Variants in LIN7A observed in about 807,000 individuals in gnomAD.
LIN7A encodes lin-7 cell polarity scaffold A, also known as protein lin-7 homolog A.
In LIN7A, 25 loss-of-function variants were observed where a neutral mutation model predicts 29.8. The ratio of observed to expected loss-of-function variants is 0.84; its 90% CI spans 0.61 to 1.17. The LOEUF (loss-of-function observed/expected upper bound fraction) is 1.17, where lower values mean the gene tolerates loss of function less well. Among genes scored for constraint, LIN7A ranks in the 50% most tolerant of loss-of-function variants. The pLI, the probability that LIN7A is intolerant of heterozygous loss-of-function variation, is 0.00. For missense variants in LIN7A, 239 were observed against 287.0 expected (o/e 0.83, Z 1.21); for synonymous variants, 118 against 107.5 (o/e 1.10, Z -0.60).
intron 2 of LIN7A, among the ~76,000 whole-genome samples, chr12:80,854,243 C>T (rs1219814810): frequency 1.3e-5 from 2 of 151,966 alleles, no homozygotes; most frequent in Admixed American, 1.3e-4. Flanking sequence ...GAATAATTAA[C>T]TGGTGGTATA....
intron 1 of LIN7A, among the ~76,000 whole-genome samples, chr12:80,910,531 C>G (rs1370778195): frequency 6.6e-6 from 1 of 151,842 alleles, no homozygotes; most frequent in Admixed American, 6.6e-5. Flanking sequence ...TTGCAGAAAC[C>G]CTTTATTGAG....
intron 1 of LIN7A, among the ~76,000 whole-genome samples, chr12:80,891,617 G>A (rs958788633): frequency 3.9e-5 from 6 of 152,126 alleles, no homozygotes; most frequent in African/African-American, 1.4e-4. Context: ...GAACTCACAG[G>A]CTTGAGGGGC....
rs1408889153 is a variant in LIN7A at position 80,795,533 on chromosome 12, T to A, written c.*2194A>T. On this transcript the variant is annotated 3_prime_UTR_variant, in exon 6 of 6. Transcript: ENST00000552864. The stretch of plus-strand genomic sequence containing the variant: ...TTCTGTAACACTGTGACAATATTTG[T>A]ATTGATGTGAAACCATATGATAACT... 6.6e-6 allele frequency: 1 copy of A among 152,140 alleles called. No homozygotes were observed. The highest frequency in any genetic ancestry group is 2.4e-5 in the African/African-American group (1 of 41,450). 9.4% of individuals were successfully genotyped at this position (152,140 alleles called of 1,614,324 possible).
chr12:80,914,518 T>C (rs1358146467), intron 1 of LIN7A, among the ~76,000 whole-genome samples: 1 of 152,210 alleles, frequency 6.6e-6, no homozygotes, highest in Non-Finnish European at 1.5e-5. Context: ...ACTCAGAATT[T>C]TCAAACACTC....
At position 80,822,359 on chromosome 12, in the gene LIN7A, ACCAGACTGG is replaced by A. The variant is rs1871848021; in HGVS notation, c.484-10685_484-10677del. 2.0e-5 allele frequency among the ~76,000 whole-genome samples: 3 copies of A among 152,250 alleles called. No individual in the cohort carries two copies. In the South Asian group the frequency reaches 6.2e-4, roughly 32 times the overall value. ...GATCACCTGAGGTCAGGAGTTTGCG[ACCAGACTGG>A]CCAACATGGTGAAACCCCATTTCTA... On this transcript the variant is annotated intron_variant, in intron 4 of 5. Coordinates refer to ENST00000552864, the MANE Select transcript of LIN7A (RefSeq NM_004664.4).
intron 3 of LIN7A, chr12:80,847,972 T>C (rs1292807912): frequency 1.0e-5 from 5 of 497,766 alleles, no homozygotes; most frequent in African/African-American, 1.9e-5. Flanking sequence ...AATCATATAG[T>C]ATTTCACACA....
At chr12:80,848,912 AAAATT>A (rs1873200654) in intron 2 of LIN7A, among the ~76,000 whole-genome samples, 2 of 152,132 alleles carry the variant, frequency 1.3e-5, no homozygotes, top group South Asian at 4.1e-4. Flanking sequence ...GCTTAACTCA[AAAATT>A]AAATAAGTGA....
chr12:80,876,462 A>G (rs1874707725), intron 2 of LIN7A, among the ~76,000 whole-genome samples: 1 of 152,232 alleles, frequency 6.6e-6, no homozygotes, highest in Admixed American at 6.5e-5. Context: ...TATTCATGAA[A>G]GATACCTTGA....
intron 1 of LIN7A, among the ~76,000 whole-genome samples, chr12:80,894,503 T>A (rs571136185): frequency 6.6e-6 from 1 of 152,328 alleles, no homozygotes; most frequent in Admixed American, 6.5e-5. Flanking sequence ...CAATTTAAAA[T>A]TTATGCATTG....
chr12:80,927,501 G>A (rs1877668269), intron 1 of LIN7A, among the ~76,000 whole-genome samples: 1 of 152,074 alleles, frequency 6.6e-6, no homozygotes, highest in Admixed American at 6.5e-5. Context: ...GACACTGATG[G>A]TTCTCAACTA....
At chr12:80,892,559 C>T (rs573599191) in intron 1 of LIN7A, among the ~76,000 whole-genome samples, 2 of 152,100 alleles carry the variant, frequency 1.3e-5, no homozygotes, top group African/African-American at 4.8e-5. Flanking sequence ...AGTTCTCAAC[C>T]TGGGCTGTGC....
chr12:80,874,596 T>C (rs1874588965), intron 2 of LIN7A, among the ~76,000 whole-genome samples: 1 of 152,208 alleles, frequency 6.6e-6, no homozygotes, highest in Non-Finnish European at 1.5e-5. Context: ...AAAATCATTG[T>C]TGTTGGTACA....
chr12:80,802,562 C>G, intron 5 of LIN7A, among the ~76,000 whole-genome samples: 1 of 152,138 alleles, frequency 6.6e-6, no homozygotes, highest in South Asian at 2.1e-4. Flanking sequence ...TCCAAAATGG[C>G]TGTATTAATT....
chr12:80,805,712 T>C (rs751177495), intron 5 of LIN7A, among the ~76,000 whole-genome samples: 1 of 152,080 alleles, frequency 6.6e-6, no homozygotes, highest in Non-Finnish European at 1.5e-5. Context: ...GGTTTGACTG[T>C]GTCCCCACCC....
chr12:80,860,462 T>C (rs1381366817), intron 2 of LIN7A, among the ~76,000 whole-genome samples: 1 of 152,220 alleles, frequency 6.6e-6, no homozygotes, highest in Non-Finnish European at 1.5e-5. Flanking sequence ...AAAATAGTGC[T>C]TCAAGCAACA....
chr12:80,830,837 C>A (rs1176650765), intron 4 of LIN7A, among the ~76,000 whole-genome samples: 2 of 152,052 alleles, frequency 1.3e-5, no homozygotes, highest in African/African-American at 2.4e-5. Flanking sequence ...TCTGAATGTT[C>A]TTCCCTAGGT....
At chr12:80,829,783 A>T (rs1267299799) in intron 4 of LIN7A, among the ~76,000 whole-genome samples, 1 of 152,206 alleles carries the variant, frequency 6.6e-6, no homozygotes, top group Non-Finnish European at 1.5e-5. Context: ...TAACAAAGAA[A>T]CATCAATATT....
At chr12:80,869,452 C>T (rs1874315857) in intron 2 of LIN7A, among the ~76,000 whole-genome samples, 1 of 152,076 alleles carries the variant, frequency 6.6e-6, no homozygotes, top group Non-Finnish European at 1.5e-5. Flanking sequence ...GATTCATCTT[C>T]AGGCAGAAGG....
At chr12:80,812,528 AG>A (rs1490722754) in intron 4 of LIN7A, among the ~76,000 whole-genome samples, 3 of 147,500 alleles carry the variant, frequency 2.0e-5, no homozygotes, top group Admixed American at 1.4e-4. Context: ...TTAGTGCAAA[AG>A]GGTTTTTTTT....
Sources: gnomAD v4.1 joint callset for allele counts (sites outside exome capture counted in the v4.1 genomes callset) on GRCh38, gnomAD v4.1.1 for gene constraint, MANE v1.5 for transcripts, NCBI Gene and HGNC (gene_info 2026-07-23, HGNC 2026-07-21) for gene names.